The following GOT2 variants were observed in gnomAD, a reference collection of about 807,000 sequenced individuals.
The protein encoded by GOT2 is glutamic-oxaloacetic transaminase 2, also known as aspartate aminotransferase, mitochondrial.
Under a neutral mutation model 50.0 loss-of-function variants are expected in GOT2, and 17 were observed. The observed-to-expected ratio is 0.34, with a 90% CI of 0.23 to 0.51. GOT2 has a LOEUF of 0.51. Among genes scored for constraint, GOT2 ranks in the 20% least tolerant of loss-of-function variants. The pLI is 0.97. For synonymous variants in GOT2, 172 were observed against 204.9 expected, an observed-to-expected ratio of 0.84 and a Z score of 1.37; for missense variants, 430 against 559.6, an observed-to-expected ratio of 0.77 and a Z score of 2.34.
At chr16:58,711,892 A>G (rs947478688) in intron 8 of GOT2, among the ~76,000 whole-genome samples, 1 of 152,138 alleles carries the variant, frequency 6.6e-6, no homozygotes, top group East Asian at 1.9e-4. Flanking sequence ...GACTTCTTAC[A>G]GTATCAACCA....
At position 58,734,194 on chromosome 16, in the gene GOT2, C is replaced by A; in HGVS notation, c.35G>T (p.Gly12Val). 2 of 1,337,506 alleles carry A rather than the reference C, an allele frequency of 1.5e-6. No homozygotes were observed. Among genetic ancestry groups the A allele is most frequent in the South Asian group, 2.5e-5 (1 of 40,596 alleles). 82.9% of individuals were successfully genotyped at this position (1,337,506 alleles called of 1,614,324 possible). A position where few individuals can be genotyped will look rare whatever the true frequency, so the allele number is the denominator to read the frequency against. The change falls in exon 1 of 10, where the codon GGG (glycine) becomes GTG (valine). Residue 12 changes from glycine (G) to valine (V), a missense_variant. By Grantham distance (109) the Gly-to-Val change is moderately radical. Coordinates refer to ENST00000245206, the MANE Select transcript of GOT2 (RefSeq NM_002080.4). ...ALLHSGRVLPGIAAAFHPGLA... is the reference protein window; with the variant it reads ...ALLHSGRVLPVIAAAFHPGLA... ...GCCCGGGTGGAAGGCGGCGGCGATC[C>A]CGGGGAGGACGCGGCCGGAGTGCAG...
Position 58,734,272 on chromosome 16 carries a change from AG to A in GOT2, c.-45del. 1 of 1,089,906 alleles carries A rather than the reference AG, an allele frequency of 9.2e-7. No individual in the cohort carries two copies. Among genetic ancestry groups the A allele is most frequent in the Non-Finnish European group, 1.2e-6 (1 of 835,778 alleles). 67.5% of individuals were successfully genotyped at this position (1,089,906 alleles called of 1,614,324 possible). On this transcript the variant is annotated 5_prime_UTR_variant, in exon 1 of 10. Coordinates refer to ENST00000245206, the MANE Select transcript of GOT2 (RefSeq NM_002080.4). ...AGTGGGCAGCCGCAGGACGGAGCAG[AG>A]GGCGAGCGGACACACACACAGGGAA...
intron 8 of GOT2, among the ~76,000 whole-genome samples, chr16:58,714,150 C>T (rs1262042565): frequency 1.3e-5 from 2 of 152,096 alleles, no homozygotes; most frequent in Admixed American, 6.5e-5. Context: ...AAGGGATCCA[C>T]CTGCCTTGGC....
intron 8 of GOT2, among the ~76,000 whole-genome samples, chr16:58,710,970 A>AAG (rs1555508678): frequency 6.7e-6 from 1 of 148,886 alleles, no homozygotes; most frequent in African/African-American, 2.4e-5. Context: ...TCTGTCTCAA[A>AAG]AAAAAAAAAA....
rs938242423 is a variant in GOT2, at chr16:58,716,057, T to G, written c.976A>C (p.Ile326Leu). ...YSNPPLNGAR[I>L]AAAILNTPDL... ...GGGGTGTTCAGAATGGCAGCAGCAA[T>G]CCGGGCCCCATTGAGGGGAGGGTTG... The change falls in exon 8 of 10, where the codon ATT becomes CTT. Residue 326 changes from isoleucine to leucine, a missense_variant. Coordinates refer to ENST00000245206, the MANE Select transcript of GOT2 (RefSeq NM_002080.4). 1 of 1,613,540 alleles carries G rather than the reference T, an allele frequency of 6.2e-7. No individual in the cohort carries two copies. Among genetic ancestry groups the G allele is most frequent in the African/African-American group, 1.3e-5 (1 of 74,872 alleles).
At position 58,719,180 on chromosome 16, in the gene GOT2, A is replaced by G; in HGVS notation, c.435+16T>C. On this transcript the variant is annotated intron_variant, in intron 4 of 9. Transcript: ENST00000245206. ...TGGAATTTATAATTCTTTCCTGAAG[A>G]AGCTTCCAGACTCACCAGAAAACTG... The G allele has an allele frequency of 6.3e-7, 1 of 1,588,724 alleles. No individual in the cohort carries two copies. The highest frequency in any genetic ancestry group is 2.2e-5 in the East Asian group (1 of 44,752).
chr16:58,720,689 C>T (rs12919184), intron 3 of GOT2, among the ~76,000 whole-genome samples: 2,894 of 152,022 alleles, frequency 0.019, 37 homozygotes, highest in Non-Finnish European at 0.031. Flanking sequence ...AGGATTCCTC[C>T]CATGTCAGCC....
At chr16:58,731,728 T>C (rs1299777751) in intron 1 of GOT2, among the ~76,000 whole-genome samples, 1 of 152,252 alleles carries the variant, frequency 6.6e-6, no homozygotes, top group East Asian at 1.9e-4. Context: ...GAGTTCCACA[T>C]ATTTACAAAG....
In GOT2 at chr16:58,734,192, TC is replaced by T; in HGVS notation, c.36del (p.Ile13SerfsTer48). 7.5e-7 allele frequency: 1 copy of T among 1,336,890 alleles called. No homozygotes were observed. The highest frequency in any genetic ancestry group is 2.5e-5 in the South Asian group (1 of 40,382). The allele number at this position is 1,336,890 out of a possible 1,614,324, so 82.8% of individuals were successfully genotyped here. A position where few individuals can be genotyped will look rare whatever the true frequency, so the allele number is the denominator to read the frequency against. On this transcript the variant is annotated frameshift_variant, in exon 1 of 10. Transcript: ENST00000245206. LOFTEE classifies it high-confidence loss of function. Reference sequence around the variant, plus strand: ...AGGCCCGGGTGGAAGGCGGCGGCGATCCCGGGGAGGACGCGGCCGGAGTGCA... The same window carrying T: ...AGGCCCGGGTGGAAGGCGGCGGCGATCCGGGGAGGACGCGGCCGGAGTGCA... ...ALLHSGRVLP[G>X]IAAAFHPGLA...
intron 1 of GOT2, among the ~76,000 whole-genome samples, chr16:58,725,341 C>T (rs1166404832): frequency 6.6e-6 from 1 of 152,116 alleles, no homozygotes; most frequent in Non-Finnish European, 1.5e-5. Flanking sequence ...TCTTGAACTC[C>T]TGACCTCATG....
intron 1 of GOT2, among the ~76,000 whole-genome samples, chr16:58,731,590 C>T (rs575053094): frequency 5.3e-5 from 8 of 152,300 alleles, no homozygotes; most frequent in Non-Finnish European, 8.8e-5. Context: ...AATACATTAG[C>T]ATCTTTTTTT....
intron 8 of GOT2, among the ~76,000 whole-genome samples, chr16:58,713,316 A>T (rs944682136): frequency 2.6e-5 from 4 of 152,142 alleles, no homozygotes; most frequent in African/African-American, 9.7e-5. Flanking sequence ...AATTTTTGGT[A>T]GGTCTAGCAT....
chr16:58,724,406 G>A (rs916285759), intron 1 of GOT2, among the ~76,000 whole-genome samples: 1 of 151,572 alleles, frequency 6.6e-6, no homozygotes, highest in Non-Finnish European at 1.5e-5. Flanking sequence ...CAGCCTCCGT[G>A]AGCCAAAACA....
chr16:58,729,746 C>T (rs956844290), intron 1 of GOT2, among the ~76,000 whole-genome samples: 13 of 151,074 alleles, frequency 8.6e-5, no homozygotes, highest in Admixed American at 3.9e-4. Flanking sequence ...TTTGTTTTTG[C>T]TTTGGAAAAT....
At chr16:58,712,473 T>C (rs1197488607) in intron 8 of GOT2, among the ~76,000 whole-genome samples, 1 of 152,208 alleles carries the variant, frequency 6.6e-6, no homozygotes, top group Non-Finnish European at 1.5e-5. Flanking sequence ...ATTGTGCCAC[T>C]GCACTCCGGC....
In GOT2 at chr16:58,709,318, G is replaced by A. The variant is rs8044891; in HGVS notation, c.1170+99C>T. On this transcript the variant is annotated intron_variant, in intron 9 of 9. Coordinates refer to ENST00000245206, the MANE Select transcript of GOT2 (RefSeq NM_002080.4). ...CAAAACAAAACAAAACAAAAAACCC[G>A]AAAACATTAAATAAAAAAGAAAAAA... is the stretch of plus-strand genomic sequence containing the variant. The A allele has an allele frequency of 4.4e-3, 4,657 of 1,046,990 alleles. 153 individuals carry two copies. The African/African-American group carries it at 0.066, about 15-fold the overall frequency. 64.9% of individuals were successfully genotyped at this position (1,046,990 alleles called of 1,614,324 possible). A position where few individuals can be genotyped will look rare whatever the true frequency, so the allele number is the denominator to read the frequency against.
At chr16:58,730,075 T>C (rs1009640830) in intron 1 of GOT2, among the ~76,000 whole-genome samples, 1 of 152,172 alleles carries the variant, frequency 6.6e-6, no homozygotes, top group African/African-American at 2.4e-5. Flanking sequence ...AAAGTTATTC[T>C]TAGCCAGAGA....
At chr16:58,715,907 A>G (rs2044688198) in intron 8 of GOT2, 107 bp downstream of exon 8, 1 of 858,666 alleles carries the variant, frequency 1.2e-6, no homozygotes, top group African/African-American at 1.7e-5. Context: ...CCTTCCACAT[A>G]TGGAATCTAT....
chr16:58,728,672 C>A (rs373967994), intron 1 of GOT2, among the ~76,000 whole-genome samples: 3 of 152,114 alleles, frequency 2.0e-5, no homozygotes, highest in African/African-American at 7.2e-5. Flanking sequence ...AACCCTCCAA[C>A]CAACCTTTTC....
Sources: gnomAD v4.1 joint callset for allele counts (sites outside exome capture counted in the v4.1 genomes callset) on GRCh38, gnomAD v4.1.1 for gene constraint, MANE v1.5 for transcripts, NCBI Gene and HGNC (gene_info 2026-07-23, HGNC 2026-07-21) for gene names.